PRKAR1B: variants seen among roughly 807,000 people sequenced by gnomAD.
PRKAR1B encodes the protein cAMP-dependent protein kinase type I-beta regulatory subunit.
Under a neutral mutation model 46.5 loss-of-function variants are expected in PRKAR1B, and 22 were observed. That is an observed-to-expected ratio of 0.47 (90% CI 0.34 to 0.68). The LOEUF (loss-of-function observed/expected upper bound fraction) is 0.68, where lower values mean the gene tolerates loss of function less well. Among genes scored for constraint, PRKAR1B ranks in the 30% least tolerant of loss-of-function variants. The pLI is 0.01. For missense variants in PRKAR1B, 445 were observed against 535.6 expected (o/e 0.83, Z 1.67); for synonymous variants, 259 against 217.7 (o/e 1.19, Z -1.67).
intron 9 of PRKAR1B, among the ~76,000 whole-genome samples, chr7:570,900 T>C (rs1179046464): frequency 1.3e-5 from 2 of 149,560 alleles, no homozygotes; most frequent in Non-Finnish European, 3.0e-5. Context: ...CAGCACTCTC[T>C]GTGTCGGGTC....
intron 9 of PRKAR1B, among the ~76,000 whole-genome samples, chr7:565,944 C>G (rs1370080167): frequency 6.6e-6 from 1 of 152,200 alleles, no homozygotes; most frequent in Non-Finnish European, 1.5e-5. Flanking sequence ...AAGGGCTTTA[C>G]CTCTGCAAAA....
At chr7:705,411 C>T (rs1223061084) in intron 2 of PRKAR1B, among the ~76,000 whole-genome samples, 2 of 151,784 alleles carry the variant, frequency 1.3e-5, no homozygotes, top group African/African-American at 2.4e-5. Flanking sequence ...CAAAGGCTGC[C>T]GATACTGAGG....
At chr7:629,270 G>C (rs1052426765) in intron 4 of PRKAR1B, among the ~76,000 whole-genome samples, 1 of 152,110 alleles carries the variant, frequency 6.6e-6, no homozygotes, top group Non-Finnish European at 1.5e-5. Flanking sequence ...GCAGGAGCGG[G>C]GCCACAGCCT....
At chr7:638,806 G>A (rs2128483814) in intron 4 of PRKAR1B, among the ~76,000 whole-genome samples, 1 of 152,328 alleles carries the variant, frequency 6.6e-6, no homozygotes, top group South Asian at 2.1e-4. Flanking sequence ...GCCGGGCGCG[G>A]GGGCTCACGC....
At chr7:708,212 C>T in intron 2 of PRKAR1B, among the ~76,000 whole-genome samples, 1 of 152,126 alleles carries the variant, frequency 6.6e-6, no homozygotes, top group East Asian at 1.9e-4. Flanking sequence ...CGATCTCGGA[C>T]TTCCAGCCTG....
intron 9 of PRKAR1B, among the ~76,000 whole-genome samples, chr7:565,943 A>G (rs1217545285): frequency 6.6e-6 from 1 of 152,170 alleles, no homozygotes; most frequent in Non-Finnish European, 1.5e-5. Flanking sequence ...CAAGGGCTTT[A>G]CCTCTGCAAA....
chr7:616,350 C>T (rs1473795943), intron 4 of PRKAR1B, among the ~76,000 whole-genome samples: 1 of 152,232 alleles, frequency 6.6e-6, no homozygotes, highest in African/African-American at 2.4e-5. Context: ...CTCCACCTGC[C>T]CAGAGTCACG....
At chr7:569,067 A>G (rs1779344588) in intron 9 of PRKAR1B, among the ~76,000 whole-genome samples, 1 of 150,440 alleles carries the variant, frequency 6.6e-6, no homozygotes, top group Non-Finnish European at 1.5e-5. Context: ...TACTTACATT[A>G]ACAAAAAAAA....
At chr7:576,299 T>C (rs1256809359) in intron 9 of PRKAR1B, among the ~76,000 whole-genome samples, 1 of 152,192 alleles carries the variant, frequency 6.6e-6, no homozygotes, top group Non-Finnish European at 1.5e-5. Context: ...CGCCAGAGCC[T>C]CCTTCAACGC....
At chr7:718,275 C>G (rs968220388) in intron 1 of PRKAR1B, among the ~76,000 whole-genome samples, 1 of 147,860 alleles carries the variant, frequency 6.8e-6, no homozygotes, top group Admixed American at 6.7e-5. Flanking sequence ...CACACACACA[C>G]ACACACACAC....
At position 560,518 on chromosome 7, in the gene PRKAR1B, G is replaced by T. The variant is rs1215101416; in HGVS notation, c.892-9048C>A. ...TGTTCAACACACGAGCTTAACCCAGGCTTCCCCCTGACCTGGCCAGGAACA... is the reference window on the plus strand; with the variant it reads ...TGTTCAACACACGAGCTTAACCCAGTCTTCCCCCTGACCTGGCCAGGAACA... On this transcript the variant is annotated intron_variant, in intron 9 of 10. Transcript: ENST00000537384. This position sits in a 1 kb window ranked among gnomAD's most constrained non-coding sequence, Gnocchi z 4.2. Among the ~76,000 whole-genome samples the T allele has an allele frequency of 6.6e-6, 1 of 152,084 alleles. No homozygotes were observed. The highest frequency in any genetic ancestry group is 1.5e-5 in the Non-Finnish European group (1 of 68,020).
intron 4 of PRKAR1B, among the ~76,000 whole-genome samples, chr7:668,789 GAAC>G (rs1786068994): frequency 6.6e-6 from 1 of 152,280 alleles, no homozygotes; most frequent in East Asian, 1.9e-4. Context: ...GAGCTTTACT[GAAC>G]CTACCTAGAG....
At chr7:685,223 T>C (rs1179315848) in intron 2 of PRKAR1B, among the ~76,000 whole-genome samples, 1 of 143,348 alleles carries the variant, frequency 7.0e-6, no homozygotes, top group Non-Finnish European at 1.5e-5. Context: ...TAACATGTTA[T>C]ATATATATAC....
intron 1 of PRKAR1B, among the ~76,000 whole-genome samples, chr7:711,851 C>A (rs4076710): frequency 2.0e-5 from 3 of 151,468 alleles, no homozygotes; most frequent in Non-Finnish European, 3.0e-5. Context: ...TGGGGGGGCC[C>A]GGCGCCCTGA....
intron 9 of PRKAR1B, among the ~76,000 whole-genome samples, chr7:567,610 G>A (rs994490971): frequency 6.6e-6 from 1 of 152,106 alleles, no homozygotes; most frequent in Non-Finnish European, 1.5e-5. Context: ...GGCAGCAGCA[G>A]CAGTAGCAGC....
At chr7:663,232 T>C (rs1248840878) in intron 4 of PRKAR1B, among the ~76,000 whole-genome samples, 1 of 152,144 alleles carries the variant, frequency 6.6e-6, no homozygotes, top group African/African-American at 2.4e-5. Context: ...TATTTTTACT[T>C]ATTTTTCTTT....
At chr7:616,991 CTTTTTTTT>C (rs71016889) in intron 4 of PRKAR1B, among the ~76,000 whole-genome samples, 1 of 114,600 alleles carries the variant, frequency 8.7e-6, no homozygotes, top group South Asian at 2.9e-4. Flanking sequence ...CACCCAAGTG[CTTTTTTTT>C]TTTTTTTTTT....
chr7:720,847 G>A (rs1388004440), intron 1 of PRKAR1B, among the ~76,000 whole-genome samples: 1 of 152,162 alleles, frequency 6.6e-6, no homozygotes, highest in Non-Finnish European at 1.5e-5. Flanking sequence ...TGTTTGAAGT[G>A]AGCTTCAGCA....
At chr7:555,517 T>G (rs1481561374) in intron 9 of PRKAR1B, among the ~76,000 whole-genome samples, 2 of 152,138 alleles carry the variant, frequency 1.3e-5, no homozygotes, top group Non-Finnish European at 2.9e-5. Context: ...ACAGGTACCT[T>G]CAGGCTGGAC....
Sources: gnomAD v4.1 joint callset for allele counts (sites outside exome capture counted in the v4.1 genomes callset) on GRCh38, gnomAD v4.1.1 for gene constraint, Gnocchi (gnomAD v3.1) non-coding constraint, MANE v1.5 for transcripts, NCBI Gene and HGNC (gene_info 2026-07-23, HGNC 2026-07-21) for gene names.